Variants in CSNK2A2IP observed in about 807,000 individuals in gnomAD.
The protein encoded by CSNK2A2IP is casein kinase II subunit alpha'-interacting protein.
At chr3:88,426,354 A>G in the CSNK2A2IP span, among the ~76,000 whole-genome samples, 3 of 152,210 alleles carry the variant, frequency 2.0e-5, no homozygotes, top group Non-Finnish European at 4.4e-5. Flanking sequence ...TGGAGTTAAT[A>G]TGTGATCCAG....
the CSNK2A2IP span, among the ~76,000 whole-genome samples, chr3:88,461,730 T>C: frequency 6.6e-6 from 1 of 152,124 alleles, no homozygotes; most frequent in South Asian, 2.1e-4. Flanking sequence ...TGATAATGTG[T>C]AGCAATATCT....
the CSNK2A2IP span, among the ~76,000 whole-genome samples, chr3:88,359,197 T>A: frequency 1.3e-4 from 19 of 151,884 alleles, no homozygotes; most frequent in African/African-American, 4.3e-4. Flanking sequence ...TAGTCTCTAT[T>A]GCTCCTTTTA....
the CSNK2A2IP span, among the ~76,000 whole-genome samples, chr3:88,397,931 A>T: frequency 6.6e-6 from 1 of 152,206 alleles, no homozygotes; most frequent in African/African-American, 2.4e-5. Flanking sequence ...AGCAATCCTT[A>T]ATCTGGGAGC....
the CSNK2A2IP span, among the ~76,000 whole-genome samples, chr3:88,371,221 G>A: frequency 6.6e-6 from 1 of 151,810 alleles, no homozygotes; most frequent in Non-Finnish European, 1.5e-5. Context: ...CAAACTGATT[G>A]CAAGTGGGTC....
the CSNK2A2IP span, among the ~76,000 whole-genome samples, chr3:88,395,792 A>T: frequency 6.6e-6 from 1 of 152,170 alleles, no homozygotes. Context: ...ATTTTCTTTG[A>T]GTTTTCAATG....
At chr3:88,364,587 A>T in the CSNK2A2IP span, among the ~76,000 whole-genome samples, 1 of 152,038 alleles carries the variant, frequency 6.6e-6, no homozygotes, top group Non-Finnish European at 1.5e-5. Context: ...TGGGTTAAAA[A>T]CTGGTAATAC....
chr3:88,402,932 C>G, the CSNK2A2IP span, among the ~76,000 whole-genome samples: 1 of 152,052 alleles, frequency 6.6e-6, no homozygotes, highest in Admixed American at 6.6e-5. Flanking sequence ...GTGGTGGGTA[C>G]AAGGTGTTTG....
the CSNK2A2IP span, among the ~76,000 whole-genome samples, chr3:88,378,098 T>A: frequency 6.6e-6 from 1 of 151,962 alleles, no homozygotes; most frequent in African/African-American, 2.4e-5. Flanking sequence ...AAAACAGTTA[T>A]AATTGTTATG....
At chr3:88,382,322 C>G in the CSNK2A2IP span, among the ~76,000 whole-genome samples, 1 of 152,152 alleles carries the variant, frequency 6.6e-6, no homozygotes, top group Non-Finnish European at 1.5e-5. Context: ...AAATCTGTGA[C>G]ATGAGTCTGT....
At chr3:88,369,881 A>T in the CSNK2A2IP span, among the ~76,000 whole-genome samples, 1 of 152,032 alleles carries the variant, frequency 6.6e-6, no homozygotes, top group South Asian at 2.1e-4. Flanking sequence ...GAGGCAAGAA[A>T]CCACCAAAAG....
the CSNK2A2IP span, among the ~76,000 whole-genome samples, chr3:88,347,502 C>A: frequency 6.6e-6 from 1 of 152,072 alleles, no homozygotes; most frequent in Non-Finnish European, 1.5e-5. Flanking sequence ...GAGCCTCCAT[C>A]AGCAAAAACA....
At chr3:88,353,673 A>G in the CSNK2A2IP span, among the ~76,000 whole-genome samples, 1 of 152,210 alleles carries the variant, frequency 6.6e-6, no homozygotes, top group Admixed American at 6.6e-5. Flanking sequence ...AATTCAGTGA[A>G]GTAGAGATAA....
chr3:88,456,454 T>A, the CSNK2A2IP span, among the ~76,000 whole-genome samples: 19 of 152,086 alleles, frequency 1.2e-4, no homozygotes, highest in African/African-American at 4.6e-4. Context: ...TGTTTCATGC[T>A]ATTGTAAATG....
At chr3:88,447,698 G>C in the CSNK2A2IP span, among the ~76,000 whole-genome samples, 1 of 151,924 alleles carries the variant, frequency 6.6e-6, no homozygotes, top group Non-Finnish European at 1.5e-5. Flanking sequence ...ATGATACATA[G>C]GCAGTAACTG....
the CSNK2A2IP span, among the ~76,000 whole-genome samples, chr3:88,380,343 C>G: frequency 6.6e-6 from 1 of 151,878 alleles, no homozygotes; most frequent in Non-Finnish European, 1.5e-5. Flanking sequence ...GTCAAAAGAA[C>G]TAGCCAAAGA....
At chr3:88,426,925 C>T in the CSNK2A2IP span, among the ~76,000 whole-genome samples, 1 of 150,832 alleles carries the variant, frequency 6.6e-6, no homozygotes, top group African/African-American at 2.4e-5. Flanking sequence ...TGTAAAAATA[C>T]CTGAAAATGT....
the CSNK2A2IP span, among the ~76,000 whole-genome samples, chr3:88,372,421 A>C: frequency 2.3e-4 from 35 of 151,694 alleles, no homozygotes; most frequent in Non-Finnish European, 4.6e-4. Context: ...GTCAATATTT[A>C]AATATATTGA....
the CSNK2A2IP span, among the ~76,000 whole-genome samples, chr3:88,446,443 G>A: frequency 6.6e-6 from 1 of 152,098 alleles, no homozygotes; most frequent in Non-Finnish European, 1.5e-5. Context: ...CTCAGGGTAA[G>A]CTCTACATTT....
At chr3:88,411,447 A>G in the CSNK2A2IP span, among the ~76,000 whole-genome samples, 8 of 151,802 alleles carry the variant, frequency 5.3e-5, no homozygotes, top group African/African-American at 1.7e-4. Flanking sequence ...TCATCTACCT[A>G]CATAATGAAT....
Sources: allele counts gnomAD v4.1 joint callset (sites outside exome capture counted in the v4.1 genomes callset), GRCh38; gene constraint gnomAD v4.1.1; transcripts MANE v1.5; gene names NCBI Gene and HGNC (gene_info 2026-07-23, HGNC 2026-07-21).